The following NETO1 variants were observed in gnomAD, a reference collection of about 807,000 sequenced individuals.
NETO1 encodes the protein neuropilin and tolloid like 1.
NETO1 carries 26 observed loss-of-function variants against 61.3 expected under a neutral mutation model. That is an observed-to-expected ratio of 0.42 (90% CI 0.31 to 0.59). The LOEUF (loss-of-function observed/expected upper bound fraction) is 0.59, where lower values mean the gene tolerates loss of function less well. Ranked by LOEUF, NETO1 falls within the 20% of genes least tolerant of loss-of-function variation. The pLI is 0.12. For synonymous variants in NETO1, 225 were observed against 225.8 expected, an observed-to-expected ratio of 1.00 and a Z score of 0.03; for missense variants, 531 against 662.8, an observed-to-expected ratio of 0.80 and a Z score of 2.18.
intron 7 of NETO1, among the ~76,000 whole-genome samples, chr18:72,758,537 G>T (rs2070863797): frequency 2.0e-5 from 3 of 152,030 alleles, no homozygotes; most frequent in Non-Finnish European, 4.4e-5. Flanking sequence ...TCCTGATATG[G>T]TTAAGAAGCA....
chr18:72,859,194 T>A (rs1327207803), intron 3 of NETO1, 120 bp from the exon 4 acceptor site: 1 of 975,142 alleles, frequency 1.0e-6, no homozygotes, highest in Non-Finnish European at 1.5e-6. Context: ...ATGATATGCA[T>A]AGAAATATAA....
chr18:72,783,628 C>T (rs775822145), intron 7 of NETO1, 50 bp downstream of exon 7: 7 of 1,466,332 alleles, frequency 4.8e-6, no homozygotes, highest in African/African-American at 1.4e-5. Flanking sequence ...ATGAAACTGG[C>T]ATCATATGGC....
intron 6 of NETO1, among the ~76,000 whole-genome samples, chr18:72,787,297 A>G (rs1159466438): frequency 2.0e-5 from 3 of 151,670 alleles, no homozygotes; most frequent in Admixed American, 1.3e-4. Flanking sequence ...GAGAACACAG[A>G]TTAGGGTAAG....
chr18:72,818,774 AT>A (rs1441451355), intron 4 of NETO1, among the ~76,000 whole-genome samples: 1 of 152,068 alleles, frequency 6.6e-6, no homozygotes, highest in African/African-American at 2.4e-5. Context: ...TTATATAAAC[AT>A]TTTTTCGTTT....
intron 6 of NETO1, among the ~76,000 whole-genome samples, chr18:72,788,879 T>C (rs1385808977): frequency 1.3e-5 from 2 of 152,100 alleles, no homozygotes; most frequent in Non-Finnish European, 2.9e-5. Flanking sequence ...TCTCCCCTCA[T>C]ATCAAAATGA....
chr18:72,837,977 C>T (rs1256381363), intron 4 of NETO1, among the ~76,000 whole-genome samples: 3 of 149,620 alleles, frequency 2.0e-5, no homozygotes, highest in Non-Finnish European at 3.0e-5. Context: ...GGTATCTCTA[C>T]AATAGCCACA....
At chr18:72,811,421 T>C (rs1415255302) in intron 4 of NETO1, among the ~76,000 whole-genome samples, 3 of 152,342 alleles carry the variant, frequency 2.0e-5, no homozygotes, top group East Asian at 1.9e-4. Context: ...TCTGGATGTT[T>C]TGGAATACAA....
intron 3 of NETO1, among the ~76,000 whole-genome samples, chr18:72,862,619 TTTC>T (rs1173835608): frequency 2.7e-5 from 3 of 113,122 alleles, no homozygotes; most frequent in Non-Finnish European, 6.3e-5. Context: ...ATCCTTTTTT[TTTC>T]TTTTTTTTTT....
rs2070384846 is a variant in NETO1 at position 72,744,231 on chromosome 18, A to G, written c.*3948T>C. On this transcript the variant is annotated 3_prime_UTR_variant, in exon 11 of 11. Coordinates refer to ENST00000327305, the MANE Select transcript of NETO1 (RefSeq NM_138966.5). ...ATTGTTATTTTTATTACCCTGTTTT[A>G]TTTATTTTGATGATACAATTCAGTT... The G allele has an allele frequency of 6.6e-6, 1 of 152,162 alleles. No homozygotes were observed. Among genetic ancestry groups the G allele is most frequent in the South Asian group, 2.1e-4 (1 of 4,836 alleles). The allele number at this position is 152,162 out of a possible 1,614,324, so 9.4% of individuals were successfully genotyped here.
intron 4 of NETO1, among the ~76,000 whole-genome samples, chr18:72,810,792 C>T (rs994223600): frequency 6.6e-6 from 1 of 152,094 alleles, no homozygotes; most frequent in African/African-American, 2.4e-5. Context: ...TAATCCGAGG[C>T]TTTCCCAGAG....
At position 72,794,218 on chromosome 18, in the gene NETO1, C is replaced by A; in HGVS notation, c.538G>T (p.Glu180Ter). ...ATTTGTATAGACTCCACAATTCCTT[C>A]GGAACCGCCCATCTCAAACTCACAC... ...PACEFEMGGS[E>*]GIVESIQIMK... Residue 180 changes from glutamate (E) to a stop codon, truncating the protein, a stop_gained, in exon 6 of 11, where the codon GAA becomes TAA. Coordinates refer to ENST00000327305, the MANE Select transcript of NETO1 (RefSeq NM_138966.5). LOFTEE classifies it high-confidence loss of function. 1 of 1,614,142 alleles carries A rather than the reference C, an allele frequency of 6.2e-7. No homozygotes were observed. Among genetic ancestry groups the A allele is most frequent in the East Asian group, 2.2e-5 (1 of 44,878 alleles).
At chr18:72,800,300 T>G (rs1297951103) in intron 4 of NETO1, among the ~76,000 whole-genome samples, 1 of 152,226 alleles carries the variant, frequency 6.6e-6, no homozygotes, top group Non-Finnish European at 1.5e-5. Flanking sequence ...CAAATCTCCA[T>G]ACGTGCTGGA....
intron 4 of NETO1, among the ~76,000 whole-genome samples, chr18:72,832,332 G>T (rs997633774): frequency 1.3e-5 from 2 of 152,028 alleles, no homozygotes; most frequent in Non-Finnish European, 2.9e-5. Flanking sequence ...ATTATTGTTT[G>T]TAACAGTTAG....
At chr18:72,822,225 G>C (rs1238310501) in intron 4 of NETO1, among the ~76,000 whole-genome samples, 1 of 152,178 alleles carries the variant, frequency 6.6e-6, no homozygotes, top group Admixed American at 6.5e-5. Flanking sequence ...AGCTTAACTA[G>C]GGCTCAAGTC....
intron 4 of NETO1, among the ~76,000 whole-genome samples, chr18:72,824,651 G>T (rs1287307417): frequency 6.6e-6 from 1 of 151,920 alleles, no homozygotes. Flanking sequence ...GATCACCTAA[G>T]GTCAGGAGTT....
intron 7 of NETO1, among the ~76,000 whole-genome samples, chr18:72,775,620 C>A (rs2071520711): frequency 6.6e-6 from 1 of 152,172 alleles, no homozygotes; most frequent in African/African-American, 2.4e-5. Flanking sequence ...TCACTCAAAA[C>A]AATGCTGACA....
intron 4 of NETO1, among the ~76,000 whole-genome samples, chr18:72,827,095 T>TTTTC (rs1412462075): frequency 1.3e-5 from 2 of 151,414 alleles, no homozygotes; most frequent in African/African-American, 2.4e-5. Flanking sequence ...GCTTTCTTTT[T>TTTTC]TTTTTTTTTC....
chr18:72,844,019 A>G (rs1029109725), intron 4 of NETO1, among the ~76,000 whole-genome samples: 2 of 152,178 alleles, frequency 1.3e-5, no homozygotes, highest in East Asian at 1.9e-4. Context: ...TCTGGTCACT[A>G]TTCTCTGTTT....
intron 6 of NETO1, among the ~76,000 whole-genome samples, chr18:72,788,006 G>A (rs2071980222): frequency 1.3e-5 from 2 of 152,002 alleles, no homozygotes; most frequent in African/African-American, 2.4e-5. Flanking sequence ...AAAATAAATG[G>A]CTGTTTTAAA....
Sources: gnomAD v4.1 joint callset for allele counts (sites outside exome capture counted in the v4.1 genomes callset) on GRCh38, gnomAD v4.1.1 for gene constraint, MANE v1.5 for transcripts, NCBI Gene and HGNC (gene_info 2026-07-23, HGNC 2026-07-21) for gene names.